The following DNAJB1 variants were observed in gnomAD, a reference collection of about 807,000 sequenced individuals.
The protein encoded by DNAJB1 is DnaJ heat shock protein family (Hsp40) member B1.
Under a neutral mutation model 24.0 loss-of-function variants are expected in DNAJB1, and 14 were observed. That is an observed-to-expected ratio of 0.58 (90% CI 0.39 to 0.91). DNAJB1 has a LOEUF of 0.91. Among genes scored for constraint, DNAJB1 ranks in the 40% least tolerant of loss-of-function variants. The probability of loss-of-function intolerance (pLI) is 0.00; values close to 1 mark genes in which losing one functional copy is unlikely to be tolerated. For missense variants in DNAJB1, 517 were observed against 458.1 expected (o/e 1.13, Z -1.17); for synonymous variants, 262 against 174.4 (o/e 1.50, Z -3.96).
At chr19:14,539,958 C>T (rs1032494957) in intron 1 of DNAJB1, among the ~76,000 whole-genome samples, 4 of 151,854 alleles carry the variant, frequency 2.6e-5, no homozygotes, top group African/African-American at 9.7e-5. Flanking sequence ...TGGCTCACTG[C>T]AACCTCCACC....
chr19:14,527,567 G>A (rs2072453050), intron 2 of DNAJB1: 1 of 152,212 alleles, frequency 6.6e-6, no homozygotes, highest in Admixed American at 6.5e-5. Context: ...AAGATAATGA[G>A]TTTCCAGAAG....
At chr19:14,529,788 C>A, upstream of DNAJB1, 1 of 1,599,434 alleles carries the variant, frequency 6.3e-7, no homozygotes, top group Non-Finnish European at 8.6e-7. Flanking sequence ...CACGGGACCC[C>A]ACTTTCTGGT....
chr19:14,516,376 C>CA, intron 2 of DNAJB1, 90 bp downstream of exon 2: 1 of 1,433,294 alleles, frequency 7.0e-7, no homozygotes, highest in East Asian at 2.3e-5. Flanking sequence ...GCACGCACCA[C>CA]ACACCCCAAC....
upstream of DNAJB1, among the ~76,000 whole-genome samples, chr19:14,520,670 T>C (rs952871177): frequency 1.5e-4 from 23 of 152,106 alleles, no homozygotes; most frequent in African/African-American, 5.3e-4. Context: ...GAAGCAATTA[T>C]GGGGAGAGAG....
At chr19:14,539,895 T>C (rs888835108) in intron 1 of DNAJB1, among the ~76,000 whole-genome samples, 9 of 132,144 alleles carry the variant, frequency 6.8e-5, no homozygotes, top group Non-Finnish European at 9.9e-5. Context: ...TTTTTTTTTT[T>C]CTGAGACGGA....
At chr19:14,552,971 C>T (rs557713549), upstream of DNAJB1, among the ~76,000 whole-genome samples, 2 of 152,210 alleles carry the variant, frequency 1.3e-5, no homozygotes, top group East Asian at 1.9e-4. Flanking sequence ...TGGGCCAGTG[C>T]TCCTCGGAGG....
chr19:14,525,786 T>C (rs1429757438), intron 2 of DNAJB1, among the ~76,000 whole-genome samples: 2 of 150,758 alleles, frequency 1.3e-5, no homozygotes, highest in Admixed American at 6.6e-5. Context: ...TTTTACTACA[T>C]GTCAATTACA....
At chr19:14,538,784 G>C (rs2072995287) in intron 1 of DNAJB1, among the ~76,000 whole-genome samples, 1 of 151,976 alleles carries the variant, frequency 6.6e-6, no homozygotes, top group Non-Finnish European at 1.5e-5. Flanking sequence ...ACCCGCCTCA[G>C]CCTCCCAAAG....
At chr19:14,519,093 C>A (rs962236505), upstream of DNAJB1, among the ~76,000 whole-genome samples, 2 of 152,218 alleles carry the variant, frequency 1.3e-5, no homozygotes, top group African/African-American at 4.8e-5. Context: ...ACAGGCCGGG[C>A]GCGGTGGCTC....
At chr19:14,542,609 G>T (rs1225256659) in intron 1 of DNAJB1, among the ~76,000 whole-genome samples, 2 of 152,004 alleles carry the variant, frequency 1.3e-5, no homozygotes, top group African/African-American at 2.4e-5. Context: ...TGATCTACAC[G>T]CTTTGGCCTC....
At chr19:14,558,560 C>T (rs2073811935) in intron 1 of DNAJB1, among the ~76,000 whole-genome samples, 1 of 152,168 alleles carries the variant, frequency 6.6e-6, no homozygotes, top group South Asian at 2.1e-4. Context: ...ACTGTCATCA[C>T]AGAGCCACAG....
At chr19:14,528,628 G>A (rs1026901550) in intron 1 of DNAJB1, among the ~76,000 whole-genome samples, 1 of 152,072 alleles carries the variant, frequency 6.6e-6, no homozygotes, top group African/African-American at 2.4e-5. Context: ...TAGTTCCCCT[G>A]TCCATAGGGC....
chr19:14,518,402 C>G (rs1263185252), upstream of DNAJB1: 13 of 1,496,692 alleles, frequency 8.7e-6, no homozygotes, highest in African/African-American at 7.0e-5. Context: ...GGCTCCGCCG[C>G]CGACCAGTCC....
At chr19:14,517,662 T>G in intron 1 of DNAJB1, 1 of 155,458 alleles carries the variant, frequency 6.4e-6, no homozygotes, top group Non-Finnish European at 1.4e-5. Context: ...GGCCAGGTCA[T>G]CACTTCCCGG....
At chr19:14,544,969 A>G (rs910561263) in intron 1 of DNAJB1, 9 of 392,442 alleles carry the variant, frequency 2.3e-5, no homozygotes, top group Admixed American at 5.9e-5. Flanking sequence ...ATCAGAATCT[A>G]GGAACTGCGG....
chr19:14,555,014 T>G (rs909344998), upstream of DNAJB1, among the ~76,000 whole-genome samples: 1 of 151,794 alleles, frequency 6.6e-6, no homozygotes, highest in Admixed American at 6.6e-5. Context: ...CTTGACCTTG[T>G]GATCTGCCCA....
upstream of DNAJB1, chr19:14,531,885 T>G (rs2072680795): frequency 6.6e-6 from 1 of 152,094 alleles, no homozygotes; most frequent in Non-Finnish European, 1.5e-5. Context: ...GTCCCACTAC[T>G]GTAGTCTCAG....
intron 1 of DNAJB1, among the ~76,000 whole-genome samples, chr19:14,540,918 T>G (rs2073075239): frequency 6.6e-6 from 1 of 152,162 alleles, no homozygotes; most frequent in Non-Finnish European, 1.5e-5. Context: ...CACTGCAACT[T>G]CCGCTTTCCG....
At chr19:14,518,949 C>T (rs2072330742), upstream of DNAJB1, among the ~76,000 whole-genome samples, 1 of 152,222 alleles carries the variant, frequency 6.6e-6, no homozygotes, top group Middle Eastern at 3.2e-3. Context: ...GAGAACCTAT[C>T]AGGCCGGGCG....
Sources: gnomAD v4.1 joint callset for allele counts (sites outside exome capture counted in the v4.1 genomes callset) on GRCh38, gnomAD v4.1.1 for gene constraint, MANE v1.5 for transcripts, NCBI Gene and HGNC (gene_info 2026-07-23, HGNC 2026-07-21) for gene names.